CCDC30: variants seen among roughly 807,000 people sequenced by gnomAD.
The protein encoded by CCDC30 is coiled-coil domain containing 30, also known as coiled-coil domain-containing protein 30.
Under a neutral mutation model 100.2 loss-of-function variants are expected in CCDC30, and 70 were observed. The observed-to-expected ratio is 0.70, with a 90% confidence interval of 0.58 to 0.85. The LOEUF (loss-of-function observed/expected upper bound fraction) is 0.85. Ranked by LOEUF, CCDC30 falls within the 40% of genes least tolerant of loss-of-function variation. CCDC30 has a pLI of 0.00. For synonymous variants in CCDC30, 233 were observed against 269.5 expected, an observed-to-expected ratio of 0.86 and a Z score of 1.33; for missense variants, 652 against 771.2, an observed-to-expected ratio of 0.85 and a Z score of 1.83.
At chr1:42,646,265 A>G in exon 15 of CCDC30, 1 of 1,550,142 alleles carries the variant, frequency 6.5e-7, no homozygotes, top group Non-Finnish European at 8.7e-7. Context: ...CTCCAGCATG[A>G]GGATGAGTCA....
At chr1:42,618,743 C>A (rs1345024164) in intron 11 of CCDC30, among the ~76,000 whole-genome samples, 1 of 152,148 alleles carries the variant, frequency 6.6e-6, no homozygotes, top group African/African-American at 2.4e-5. Flanking sequence ...GCCTAGGCTC[C>A]CTCTATCTTG....
At chr1:42,580,129 T>C (rs1645932285) in intron 8 of CCDC30, among the ~76,000 whole-genome samples, 1 of 152,214 alleles carries the variant, frequency 6.6e-6, no homozygotes, top group South Asian at 2.1e-4. Context: ...GATGTATCCT[T>C]GACAGAGAAG....
chr1:42,531,967 G>A (rs1358616978), intron 6 of CCDC30, among the ~76,000 whole-genome samples: 1 of 152,096 alleles, frequency 6.6e-6, no homozygotes, highest in Non-Finnish European at 1.5e-5. Context: ...AAATGTGAAA[G>A]TCAAGATTTC....
intron 3 of CCDC30, among the ~76,000 whole-genome samples, chr1:42,483,959 C>G (rs1396573804): frequency 1.3e-5 from 2 of 151,812 alleles, no homozygotes; most frequent in Non-Finnish European, 1.5e-5. Flanking sequence ...TTTGCTTTAT[C>G]TAGAATTTAG....
intron 7 of CCDC30, among the ~76,000 whole-genome samples, chr1:42,574,367 A>C (rs1383136435): frequency 6.6e-6 from 1 of 151,726 alleles, no homozygotes; most frequent in East Asian, 1.9e-4. Flanking sequence ...ATTTCATTTA[A>C]ATTTTTTAAA....
In CCDC30 at chr1:42,539,760, A is replaced by G. The variant is rs1359301839; in HGVS notation, c.457-26536A>G. Among the ~76,000 whole-genome samples, 4 of 152,246 alleles carry G rather than the reference A, an allele frequency of 2.6e-5. No homozygotes were observed. The East Asian group carries it at 7.7e-4, about 29-fold the overall frequency. The stretch of plus-strand genomic sequence containing the variant: ...GGGCTTAGAATTAGGAAAATGTTCA[A>G]ATGTCCTGATTCAAGCTTGTTCCTT... On this transcript the variant is annotated intron_variant, in intron 6 of 16. Coordinates refer to ENST00000668663, the Ensembl canonical transcript of CCDC30.
intron 1 of CCDC30, among the ~76,000 whole-genome samples, chr1:42,479,798 A>G (rs1265791520): frequency 6.6e-6 from 1 of 152,158 alleles, no homozygotes; most frequent in Non-Finnish European, 1.5e-5. Context: ...ATGAACTCAT[A>G]GGGAGTATGG....
intron 6 of CCDC30, among the ~76,000 whole-genome samples, chr1:42,522,247 A>G (rs1362700668): frequency 6.6e-6 from 1 of 152,130 alleles, no homozygotes; most frequent in African/African-American, 2.4e-5. Context: ...GCAGATATGG[A>G]ACCCACAGAT....
At chr1:42,584,808 T>G (rs1360426221) in intron 9 of CCDC30, among the ~76,000 whole-genome samples, 1 of 152,168 alleles carries the variant, frequency 6.6e-6, no homozygotes, top group African/African-American at 2.4e-5. Flanking sequence ...CAGACCACAC[T>G]GAGTTTGAAC....
chr1:42,498,876 A>C, exon 6 of CCDC30: 1 of 1,233,896 alleles, frequency 8.1e-7, no homozygotes, highest in Non-Finnish European at 1.0e-6. Context: ...CTTGGAAACC[A>C]CTCCCCTGGA....
intron 4 of CCDC30, among the ~76,000 whole-genome samples, chr1:42,492,703 A>G (rs1644163576): frequency 6.6e-6 from 1 of 152,028 alleles, no homozygotes; most frequent in Non-Finnish European, 1.5e-5. Flanking sequence ...GCTGGAGTGT[A>G]GTGGCATGAC....
chr1:42,527,830 C>T (rs1410379483), intron 6 of CCDC30, among the ~76,000 whole-genome samples: 5 of 151,822 alleles, frequency 3.3e-5, no homozygotes, highest in Admixed American at 6.6e-5. Context: ...CTCATCTTCT[C>T]TACTCTTTCT....
intron 6 of CCDC30, among the ~76,000 whole-genome samples, chr1:42,564,496 AC>A (rs1645565279): frequency 1.1e-5 from 1 of 91,828 alleles, no homozygotes. Context: ...CGCCATGTTG[AC>A]CAGGCTGGTC....
At chr1:42,599,093 A>C (rs1173963722) in intron 10 of CCDC30, among the ~76,000 whole-genome samples, 1 of 152,152 alleles carries the variant, frequency 6.6e-6, no homozygotes, top group Admixed American at 6.5e-5. Context: ...TAAAGTAAAA[A>C]CTTTCATTTT....
chr1:42,533,704 C>G (rs1278117957), intron 6 of CCDC30, among the ~76,000 whole-genome samples: 4 of 152,222 alleles, frequency 2.6e-5, no homozygotes, highest in Admixed American at 1.3e-4. Flanking sequence ...ACAGTGCCTG[C>G]ATTCATCTTT....
chr1:42,535,696 C>CTATA lies in CCDC30; in HGVS notation c.457-30590_457-30587dup, dbSNP rs1300792818. Among the ~76,000 whole-genome samples the CTATA allele has an allele frequency of 7.1e-3, 5 of 704 alleles. 1 individual carries two copies. In the East Asian group the frequency reaches 0.25, roughly 35 times the overall value. 0.5% of individuals were successfully genotyped at this position (704 alleles called of 152,430 possible). On this transcript the variant is annotated intron_variant, in intron 6 of 16. Coordinates refer to ENST00000668663, the Ensembl canonical transcript of CCDC30. ...GCAACATGGTGAAATCCCATCACTA[C>CTATA]TATATATATATATTATATATATAAA...
Position 42,581,507 on chromosome 1 carries a change from C to T in CCDC30, c.994C>T (p.Gln332Ter). 1 of 1,612,184 alleles carries T rather than the reference C, an allele frequency of 6.2e-7. No homozygotes were observed. The highest frequency in any genetic ancestry group is 8.5e-7 in the Non-Finnish European group (1 of 1,179,344). Residue 332 changes from glutamine to a stop codon, truncating the protein, a stop_gained, in exon 9 of 17, where the codon CAG (glutamine) becomes TAG (stop). Transcript: ENST00000668663. LOFTEE classifies it high-confidence loss of function. ...AAAGCAACAATATCAAGAAGAACAA[C>T]AGAAGAGGTAAGAGGAGCAGAGATC...
chr1:42,467,228 G>T (rs1318285287), intron 1 of CCDC30, among the ~76,000 whole-genome samples: 1 of 152,206 alleles, frequency 6.6e-6, no homozygotes, highest in East Asian at 1.9e-4. Context: ...CAACAAGAAG[G>T]TTAAGCAGCA....
At chr1:42,475,909 C>T (rs1300944954) in intron 1 of CCDC30, among the ~76,000 whole-genome samples, 1 of 151,648 alleles carries the variant, frequency 6.6e-6, no homozygotes, top group African/African-American at 2.4e-5. Flanking sequence ...CCCAGCTGAG[C>T]CTGAGAATTA....
Sources: allele counts gnomAD v4.1 joint callset (sites outside exome capture counted in the v4.1 genomes callset), GRCh38; gene constraint gnomAD v4.1.1; transcripts MANE v1.5; gene names NCBI Gene and HGNC (gene_info 2026-07-23, HGNC 2026-07-21).